Variants in ITPR2 observed in about 807,000 individuals in gnomAD.
ITPR2 encodes the protein inositol 1,4,5-trisphosphate receptor type 2, also known as inositol 1,4,5-trisphosphate-gated calcium channel ITPR2.
In ITPR2, 207 loss-of-function variants were observed where a neutral mutation model predicts 317.1. The observed-to-expected ratio is 0.65, with a 90% CI of 0.58 to 0.73. The LOEUF is 0.73. Ranked by LOEUF, ITPR2 falls within the 30% of genes least tolerant of loss-of-function variation. ITPR2 has a pLI of 0.00. For missense variants in ITPR2, 2,613 were observed against 3,284.0 expected (o/e 0.80, Z 4.99); for synonymous variants, 1,156 against 1,149.1 (o/e 1.01, Z -0.12).
At chr12:26,418,995 C>G in intron 50 of ITPR2, 54 bp downstream of exon 50, 1 of 1,447,576 alleles carries the variant, frequency 6.9e-7, no homozygotes, top group Non-Finnish European at 9.4e-7. Context: ...GCATAAGAAG[C>G]AGCAGCATTG....
intron 49 of ITPR2, among the ~76,000 whole-genome samples, chr12:26,420,455 T>C (rs568967524): frequency 6.6e-6 from 1 of 152,286 alleles, no homozygotes; most frequent in South Asian, 2.1e-4. Flanking sequence ...ATTGGAGGGA[T>C]TGGAAAACCT....
intron 55 of ITPR2, 146 bp from the exon 56 acceptor site, chr12:26,340,474 T>A: frequency 1.2e-6 from 1 of 807,364 alleles, no homozygotes; most frequent in Non-Finnish European, 1.8e-6. Context: ...GGGGCTGAAG[T>A]AGGGCTTAGA....
intron 9 of ITPR2, among the ~76,000 whole-genome samples, chr12:26,708,381 T>C (rs981047401): frequency 6.6e-6 from 1 of 152,012 alleles, no homozygotes; most frequent in African/African-American, 2.4e-5. Context: ...ATAAAGAAAA[T>C]GTAGTACCTG....
At chr12:26,516,880 A>G (rs1470980827) in intron 37 of ITPR2, among the ~76,000 whole-genome samples, 1 of 152,120 alleles carries the variant, frequency 6.6e-6, no homozygotes, top group East Asian at 1.9e-4. Flanking sequence ...GTTAAAAGAG[A>G]ACGTAAAAGA....
At chr12:26,430,247 C>T (rs1941170055) in intron 48 of ITPR2, among the ~76,000 whole-genome samples, 1 of 152,210 alleles carries the variant, frequency 6.6e-6, no homozygotes, top group Non-Finnish European at 1.5e-5. Flanking sequence ...GAACTGAAGT[C>T]TCTCTGACAA....
intron 55 of ITPR2, among the ~76,000 whole-genome samples, chr12:26,356,149 G>A (rs769207615): frequency 6.6e-6 from 1 of 152,156 alleles, no homozygotes; most frequent in Non-Finnish European, 1.5e-5. Flanking sequence ...CAACTGTCTT[G>A]CTGACTCTGG....
chr12:26,624,760 C>G (rs1165251456), intron 23 of ITPR2, among the ~76,000 whole-genome samples: 1 of 136,496 alleles, frequency 7.3e-6, no homozygotes. Context: ...CTATGGAGAA[C>G]AGTTTCGAGG....
intron 52 of ITPR2, among the ~76,000 whole-genome samples, chr12:26,407,533 G>GTC (rs1289600970): frequency 6.6e-6 from 1 of 152,030 alleles, no homozygotes; most frequent in African/African-American, 2.4e-5. Context: ...TCATAAATAC[G>GTC]TAACAGAGAA....
chr12:26,499,175 C>A (rs1022544913), intron 37 of ITPR2, among the ~76,000 whole-genome samples: 2 of 152,124 alleles, frequency 1.3e-5, no homozygotes, highest in African/African-American at 4.8e-5. Flanking sequence ...AGAATTATGT[C>A]ACACCAAATA....
intron 10 of ITPR2, among the ~76,000 whole-genome samples, chr12:26,692,039 T>C (rs1253115369): frequency 1.3e-5 from 2 of 152,126 alleles, no homozygotes; most frequent in Non-Finnish European, 2.9e-5. Flanking sequence ...CTGATGAATA[T>C]ATAGTAAAAC....
At chr12:26,427,661 G>A (rs1941100910) in intron 49 of ITPR2, among the ~76,000 whole-genome samples, 1 of 151,906 alleles carries the variant, frequency 6.6e-6, no homozygotes, top group African/African-American at 2.4e-5. Context: ...AAATTGGATT[G>A]GATTAAATTG....
At chr12:26,456,200 T>C (rs1201275380) in intron 45 of ITPR2, among the ~76,000 whole-genome samples, 1 of 152,212 alleles carries the variant, frequency 6.6e-6, no homozygotes, top group Non-Finnish European at 1.5e-5. Flanking sequence ...AAGACCTTGC[T>C]GATAAAACAG....
intron 34 of ITPR2, among the ~76,000 whole-genome samples, chr12:26,569,465 G>A (rs1401666322): frequency 6.6e-6 from 1 of 150,568 alleles, no homozygotes; most frequent in East Asian, 2.0e-4. Flanking sequence ...GAGATGGGAG[G>A]ATTACTTGAA....
At chr12:26,808,307 G>A (rs1304723083) in intron 1 of ITPR2, among the ~76,000 whole-genome samples, 3 of 152,042 alleles carry the variant, frequency 2.0e-5, no homozygotes. Context: ...GCTTATTTGG[G>A]TTTCTGTTCC....
chr12:26,666,159 TAGA>T (rs1262924038), intron 13 of ITPR2, 108 bp from the exon 14 acceptor site: 19 of 435,746 alleles, frequency 4.4e-5, no homozygotes, highest in East Asian at 4.0e-4. Flanking sequence ...GATAGATAGA[TAGA>T]TTTTTTTTTA....
chr12:26,413,777 C>A (rs1323267271), intron 51 of ITPR2, among the ~76,000 whole-genome samples: 4 of 151,812 alleles, frequency 2.6e-5, no homozygotes, highest in Non-Finnish European at 5.9e-5. Flanking sequence ...TACTGCTGCC[C>A]ATTTTGTAAA....
intron 2 of ITPR2, among the ~76,000 whole-genome samples, chr12:26,733,117 C>A (rs1949052599): frequency 6.6e-6 from 1 of 151,614 alleles, no homozygotes; most frequent in African/African-American, 2.4e-5. Context: ...AGTTCAAGAC[C>A]AGCCTGGCCA....
chr12:26,554,219 C>A (rs1454394724), intron 36 of ITPR2, among the ~76,000 whole-genome samples: 1 of 152,198 alleles, frequency 6.6e-6, no homozygotes, highest in African/African-American at 2.4e-5. Flanking sequence ...CAAAAATACA[C>A]GTGTTCCATA....
intron 18 of ITPR2, 151 bp from the exon 19 acceptor site, chr12:26,656,699 T>C: frequency 1.3e-6 from 1 of 776,262 alleles, no homozygotes; most frequent in South Asian, 1.8e-5. Context: ...TGTTAACCAT[T>C]AAGATCAAAT....
Sources: gnomAD v4.1 joint callset for allele counts (sites outside exome capture counted in the v4.1 genomes callset) on GRCh38, gnomAD v4.1.1 for gene constraint, MANE v1.5 for transcripts, NCBI Gene and HGNC (gene_info 2026-07-23, HGNC 2026-07-21) for gene names.